COMMD1: variants seen among roughly 807,000 people sequenced by gnomAD.
The protein encoded by COMMD1 is COMM domain-containing protein 1.
In COMMD1, 10 loss-of-function variants were observed where a neutral mutation model predicts 17.2. That is an observed-to-expected ratio of 0.58 (90% CI 0.36 to 0.99). COMMD1 has a LOEUF of 0.99. Ranked by LOEUF, COMMD1 falls within the 50% of genes least tolerant of loss-of-function variation. COMMD1 has a pLI of 0.01. For synonymous variants in COMMD1, 97 were observed against 91.6 expected (o/e 1.06, Z -0.34); for missense variants, 270 against 231.8 (o/e 1.17, Z -1.07).
At chr2:61,939,360 G>A (rs1405646246) in intron 1 of COMMD1, among the ~76,000 whole-genome samples, 1 of 151,892 alleles carries the variant, frequency 6.6e-6, no homozygotes, top group African/African-American at 2.4e-5. Context: ...CAGCTACTCG[G>A]GAGGCTGAGG....
intron 2 of COMMD1, among the ~76,000 whole-genome samples, chr2:62,035,936 C>T (rs1303754101): frequency 6.6e-6 from 1 of 151,674 alleles, no homozygotes; most frequent in Non-Finnish European, 1.5e-5. Context: ...TGCCTGTAGT[C>T]CCAGCTACCC....
intron 1 of COMMD1, among the ~76,000 whole-genome samples, chr2:61,991,791 G>A (rs1437596417): frequency 2.6e-5 from 4 of 152,170 alleles, no homozygotes; most frequent in South Asian, 2.1e-4. Flanking sequence ...TGTCAAGTGC[G>A]GGAGGCAGGA....
At chr2:62,075,855 C>A (rs1194905466) in intron 2 of COMMD1, among the ~76,000 whole-genome samples, 1 of 152,216 alleles carries the variant, frequency 6.6e-6, no homozygotes, top group African/African-American at 2.4e-5. Context: ...TTGTATGAAC[C>A]ATATGTTGTC....
At chr2:62,043,967 G>A (rs1186158823) in intron 2 of COMMD1, among the ~76,000 whole-genome samples, 1 of 152,076 alleles carries the variant, frequency 6.6e-6, no homozygotes, top group African/African-American at 2.4e-5. Context: ...TAGGATTTTT[G>A]TTATATTTTT....
chr2:62,030,918 G>A (rs1402656884), intron 2 of COMMD1, among the ~76,000 whole-genome samples: 1 of 151,970 alleles, frequency 6.6e-6, no homozygotes, highest in East Asian at 1.9e-4. Context: ...CCCCAGGTTT[G>A]GATTTAGGTT....
At chr2:62,052,733 C>T (rs1269288981) in intron 2 of COMMD1, among the ~76,000 whole-genome samples, 2 of 152,112 alleles carry the variant, frequency 1.3e-5, no homozygotes, top group Non-Finnish European at 2.9e-5. Context: ...ATGGAAAATT[C>T]TTCCAGTCTT....
intron 1 of COMMD1, among the ~76,000 whole-genome samples, chr2:61,889,822 C>A (rs1350987993): frequency 6.6e-6 from 1 of 152,022 alleles, no homozygotes; most frequent in East Asian, 1.9e-4. Flanking sequence ...TCTTAGGGAA[C>A]GTAAACATTA....
At chr2:62,105,047 C>T (rs1014573447) in intron 2 of COMMD1, among the ~76,000 whole-genome samples, 2 of 151,448 alleles carry the variant, frequency 1.3e-5, no homozygotes, top group Admixed American at 1.3e-4. Context: ...ATCGCTTGAA[C>T]CTGGGAGGTG....
At chr2:62,127,450 G>C (rs938118630) in intron 2 of COMMD1, among the ~76,000 whole-genome samples, 6 of 152,172 alleles carry the variant, frequency 3.9e-5, no homozygotes, top group Non-Finnish European at 7.3e-5. Context: ...CAAAGCCGAA[G>C]ATATCATGCT....
rs114563905 is a variant in COMMD1 at position 62,055,011 on chromosome 2, C to T, written c.462+54029C>T. Among the ~76,000 whole-genome samples, 759 of 152,172 alleles carry T rather than the reference C, an allele frequency of 5.0e-3. 9 individuals are homozygous for T. The highest frequency in any genetic ancestry group is 0.017 in the African/African-American group (721 of 41,508). ...TGGTGATGCTACTAGCACTGGGGAG[C>T]GGCTACAAATACAGATTAACATTGG... On this transcript the variant is annotated intron_variant, in intron 2 of 2. Transcript: ENST00000311832.
At chr2:61,930,666 T>A (rs966929525) in intron 1 of COMMD1, among the ~76,000 whole-genome samples, 9 of 149,284 alleles carry the variant, frequency 6.0e-5, no homozygotes, top group Non-Finnish European at 1.0e-4. Context: ...TGAGTGAGTG[T>A]TTGAGCTCAC....
At chr2:61,992,214 T>C (rs141116367) in intron 1 of COMMD1, among the ~76,000 whole-genome samples, 1 of 152,330 alleles carries the variant, frequency 6.6e-6, no homozygotes, top group Non-Finnish European at 1.5e-5. Context: ...GTATTGTCAC[T>C]GGTAATGAGA....
intron 2 of COMMD1, among the ~76,000 whole-genome samples, chr2:62,132,467 C>G (rs1024910432): frequency 6.6e-6 from 1 of 152,160 alleles, no homozygotes; most frequent in Non-Finnish European, 1.5e-5. Flanking sequence ...GCTACATCAT[C>G]TTTTTTATCA....
chr2:61,924,837 G>A (rs1670287174), intron 1 of COMMD1, among the ~76,000 whole-genome samples: 1 of 152,186 alleles, frequency 6.6e-6, no homozygotes, highest in South Asian at 2.1e-4. Flanking sequence ...GGTAGAGGAA[G>A]AAGAGACTGT....
intron 1 of COMMD1, among the ~76,000 whole-genome samples, chr2:61,960,740 C>A (rs899839429): frequency 1.3e-5 from 2 of 152,230 alleles, no homozygotes; most frequent in Admixed American, 1.3e-4. Flanking sequence ...CAATTCCTTT[C>A]TTTCCCCCTC....
chr2:62,128,201 G>A (rs770401965), intron 2 of COMMD1, among the ~76,000 whole-genome samples: 5 of 151,876 alleles, frequency 3.3e-5, no homozygotes, highest in Admixed American at 2.0e-4. Flanking sequence ...GTTGGCATGC[G>A]CCTGTAGTCC....
upstream of COMMD1, among the ~76,000 whole-genome samples, chr2:61,904,460 A>G (rs1217675293): frequency 2.6e-5 from 4 of 152,196 alleles, no homozygotes; most frequent in East Asian, 3.8e-4. Context: ...TCAGAACATC[A>G]TGTTACCAGA....
At chr2:61,966,355 T>A (rs1671504497) in intron 1 of COMMD1, among the ~76,000 whole-genome samples, 1 of 152,224 alleles carries the variant, frequency 6.6e-6, no homozygotes, top group East Asian at 1.9e-4. Flanking sequence ...TGGGTGAGTC[T>A]GTCCTTGGCC....
intron 1 of COMMD1, among the ~76,000 whole-genome samples, chr2:61,988,861 G>A (rs1318762019): frequency 6.6e-6 from 1 of 152,114 alleles, no homozygotes; most frequent in African/African-American, 2.4e-5. Flanking sequence ...ATCCCACTTT[G>A]GCTAGAGCTG....
Sources: gnomAD v4.1 joint callset for allele counts (sites outside exome capture counted in the v4.1 genomes callset) on GRCh38, gnomAD v4.1.1 for gene constraint, MANE v1.5 for transcripts, NCBI Gene and HGNC (gene_info 2026-07-23, HGNC 2026-07-21) for gene names.